The following FHIT variants were observed in gnomAD, a reference collection of about 807,000 sequenced individuals.
FHIT encodes bis(5'-adenosyl)-triphosphatase.
Under a neutral mutation model 17.9 loss-of-function variants are expected in FHIT, and 19 were observed. The ratio of observed to expected loss-of-function variants is 1.06; its 90% CI spans 0.74 to 1.56. The LOEUF (loss-of-function observed/expected upper bound fraction) is 1.56. Among genes scored for constraint, FHIT ranks in the 40% most tolerant of loss-of-function variants. The pLI is 0.00. For synonymous variants in FHIT, 81 were observed against 69.7 expected (o/e 1.16, Z -0.81); for missense variants, 248 against 189.2 (o/e 1.31, Z -1.82).
intron 2 of FHIT, among the ~76,000 whole-genome samples, chr3:61,197,557 TTG>T (rs930723179): frequency 1.6e-4 from 24 of 152,296 alleles, no homozygotes; most frequent in African/African-American, 5.8e-4. Flanking sequence ...TAGAGAAAAC[TTG>T]CCCATTCCAT....
intron 8 of FHIT, among the ~76,000 whole-genome samples, chr3:59,906,603 T>C (rs1704596516): frequency 6.6e-6 from 1 of 152,234 alleles, no homozygotes; most frequent in Admixed American, 6.5e-5. Context: ...GAGTTACAGA[T>C]GGATCTCAAT....
intron 3 of FHIT, among the ~76,000 whole-genome samples, chr3:60,925,709 A>C (rs1227506043): frequency 1.5e-4 from 23 of 152,274 alleles, no homozygotes; most frequent in African/African-American, 5.5e-4. Flanking sequence ...CACACATAAC[A>C]ATATTAACCT....
intron 5 of FHIT, among the ~76,000 whole-genome samples, chr3:60,398,953 C>T (rs919057652): frequency 1.3e-5 from 2 of 152,066 alleles, no homozygotes; most frequent in Non-Finnish European, 2.9e-5. Flanking sequence ...GGTGGAAAGT[C>T]TATACATAAG....
chr3:59,952,203 T>C (rs1280303415), intron 7 of FHIT, among the ~76,000 whole-genome samples: 1 of 152,220 alleles, frequency 6.6e-6, no homozygotes, highest in Non-Finnish European at 1.5e-5. Context: ...TTTCATCGTA[T>C]AAATGATTTC....
At chr3:59,823,219 G>A (rs1214243645) in intron 8 of FHIT, among the ~76,000 whole-genome samples, 3 of 152,194 alleles carry the variant, frequency 2.0e-5, no homozygotes, top group African/African-American at 7.2e-5. Flanking sequence ...TCAAAGTCAA[G>A]TAATGTGATG....
At chr3:59,774,774 T>C (rs1262955269) in intron 8 of FHIT, among the ~76,000 whole-genome samples, 1 of 152,190 alleles carries the variant, frequency 6.6e-6, no homozygotes, top group Non-Finnish European at 1.5e-5. Flanking sequence ...CAATACATAT[T>C]TGTTGCATGA....
At chr3:61,199,646 A>C (rs984371741) in intron 2 of FHIT, among the ~76,000 whole-genome samples, 8 of 152,210 alleles carry the variant, frequency 5.3e-5, no homozygotes, top group African/African-American at 1.9e-4. Context: ...CAGCCCCAGA[A>C]ATAGATTTGT....
intron 5 of FHIT, among the ~76,000 whole-genome samples, chr3:60,325,180 G>A (rs1709632226): frequency 6.6e-6 from 1 of 152,128 alleles, no homozygotes; most frequent in African/African-American, 2.4e-5. Flanking sequence ...CCCTGGAAAT[G>A]TAGAAATATG....
intron 5 of FHIT, among the ~76,000 whole-genome samples, chr3:60,039,447 G>A (rs983513342): frequency 3.9e-5 from 6 of 152,144 alleles, no homozygotes; most frequent in South Asian, 2.1e-4. Context: ...CTTCAACAAA[G>A]CTAGGTGATG....
chr3:59,757,508 C>T (rs1168648078), intron 8 of FHIT, among the ~76,000 whole-genome samples: 1 of 152,118 alleles, frequency 6.6e-6, no homozygotes, highest in Non-Finnish European at 1.5e-5. Context: ...TGCTGTATTG[C>T]TCAAACCGCC....
At chr3:60,408,899 G>A (rs1468162004) in intron 5 of FHIT, among the ~76,000 whole-genome samples, 3 of 152,134 alleles carry the variant, frequency 2.0e-5, no homozygotes, top group Non-Finnish European at 4.4e-5. Context: ...GAATTTATGA[G>A]TATTGCCATA....
chr3:60,235,292 G>T (rs184603006), intron 5 of FHIT, among the ~76,000 whole-genome samples: 1 of 150,150 alleles, frequency 6.7e-6, no homozygotes, highest in African/African-American at 2.5e-5. Flanking sequence ...GTGCAATGGC[G>T]TGGTCTCGGC....
intron 4 of FHIT, among the ~76,000 whole-genome samples, chr3:60,539,172 C>G (rs2036093396): frequency 1.3e-5 from 2 of 152,134 alleles, no homozygotes; most frequent in African/African-American, 4.8e-5. Context: ...ATTTATGCAG[C>G]CAACAGACAC....
chr3:59,905,634 A>G (rs753348615), intron 8 of FHIT, among the ~76,000 whole-genome samples: 7 of 152,266 alleles, frequency 4.6e-5, no homozygotes, highest in Non-Finnish European at 8.8e-5. Flanking sequence ...GAGTCAATAG[A>G]CTCTATGAGA....
chr3:60,888,601 A>G (rs374970585), intron 3 of FHIT, among the ~76,000 whole-genome samples: 21 of 152,208 alleles, frequency 1.4e-4, no homozygotes, highest in South Asian at 4.1e-4. Flanking sequence ...AGGAAAAAAG[A>G]CAAAGAAATA....
At chr3:60,543,917 T>TTTTTTTC in intron 4 of FHIT, among the ~76,000 whole-genome samples, 1 of 132,998 alleles carries the variant, frequency 7.5e-6, no homozygotes, top group Admixed American at 7.8e-5. Context: ...CTTTTTTTTT[T>TTTTTTTC]TTTTTTTTTT....
At chr3:61,002,380 A>T (rs1171432865) in intron 3 of FHIT, among the ~76,000 whole-genome samples, 1 of 152,084 alleles carries the variant, frequency 6.6e-6, no homozygotes, top group Non-Finnish European at 1.5e-5. Flanking sequence ...CTCCCACCTC[A>T]GCCTCCCGAG....
intron 1 of FHIT, among the ~76,000 whole-genome samples, chr3:61,214,191 C>A (rs1430927440): frequency 8.7e-5 from 13 of 150,122 alleles, no homozygotes; most frequent in Admixed American, 1.3e-4. Context: ...ACACAAAAAA[C>A]CCTTCAAAAA....
At chr3:60,805,097 C>T (rs143918368) in intron 4 of FHIT, among the ~76,000 whole-genome samples, 2 of 152,156 alleles carry the variant, frequency 1.3e-5, no homozygotes, top group Non-Finnish European at 2.9e-5. Context: ...TATGGTTATG[C>T]TGGGCATTAC....
Sources: allele counts gnomAD v4.1 joint callset (sites outside exome capture counted in the v4.1 genomes callset), GRCh38; gene constraint gnomAD v4.1.1; transcripts MANE v1.5; gene names NCBI Gene and HGNC (gene_info 2026-07-23, HGNC 2026-07-21).